JAKMIP3: variants seen among roughly 807,000 people sequenced by gnomAD.
JAKMIP3 encodes janus kinase and microtubule-interacting protein 3.
A neutral mutation model predicts 118.5 loss-of-function variants in JAKMIP3; 58 were observed. The ratio of observed to expected loss-of-function variants is 0.49; its 90% CI spans 0.40 to 0.61. The LOEUF is 0.61. JAKMIP3 is among the 20% of genes least tolerant of loss of function. The pLI is 0.00. For synonymous variants in JAKMIP3, 486 were observed against 451.2 expected (o/e 1.08, Z -0.98); for missense variants, 950 against 1,109.0 (o/e 0.86, Z 2.04).
At chr10:132,090,662 C>T (rs1408578180) in intron 1 of JAKMIP3, among the ~76,000 whole-genome samples, 1 of 152,196 alleles carries the variant, frequency 6.6e-6, no homozygotes, top group African/African-American at 2.4e-5. Flanking sequence ...AAACCAGCTC[C>T]TGGATTCATT....
At chr10:132,046,789 C>G (rs2133788892) in intron 1 of JAKMIP3, among the ~76,000 whole-genome samples, 1 of 152,310 alleles carries the variant, frequency 6.6e-6, no homozygotes, top group East Asian at 1.9e-4. Context: ...CAAAATTAAC[C>G]CAAGTAGAGA....
At chr10:132,149,308 C>G in intron 14 of JAKMIP3, 104 bp from the exon 15 acceptor site, 1 of 728,538 alleles carries the variant, frequency 1.4e-6, no homozygotes, top group East Asian at 2.9e-5. Flanking sequence ...TGTGTTGATC[C>G]CTGGTTCCAT....
intron 1 of JAKMIP3, among the ~76,000 whole-genome samples, chr10:132,050,268 G>T (rs1342948907): frequency 1.3e-5 from 2 of 152,230 alleles, no homozygotes; most frequent in African/African-American, 4.8e-5. Context: ...CCCGTTAACA[G>T]GGTCTGGCTG....
chr10:132,077,245 G>A (rs757926660), intron 1 of JAKMIP3, among the ~76,000 whole-genome samples: 8 of 152,320 alleles, frequency 5.3e-5, no homozygotes, highest in Non-Finnish European at 1.2e-4. Context: ...CTGGGGAGAG[G>A]GTTTGCTGTG....
intron 1 of JAKMIP3, among the ~76,000 whole-genome samples, chr10:132,038,788 C>T (rs1483161682): frequency 8.0e-5 from 6 of 75,060 alleles, no homozygotes; most frequent in Non-Finnish European, 1.5e-4. Flanking sequence ...ATGAGACTGT[C>T]TCAAAAAAAA....
rs1564912469 is a variant in JAKMIP3, at chr10:132,112,759, G to T, written c.136-4318G>T. Among the ~76,000 whole-genome samples the T allele has an allele frequency of 6.6e-6, 1 of 152,132 alleles. No homozygotes were observed. The highest frequency in any genetic ancestry group is 1.5e-5 in the Non-Finnish European group (1 of 68,016). On this transcript the variant is annotated intron_variant, in intron 2 of 23. Coordinates refer to ENST00000684848, the MANE Select transcript of JAKMIP3 (RefSeq NM_001323087.2). The surrounding 1 kb of genome is among the most constrained non-coding windows in gnomAD (Gnocchi z 4.3). ...CACAGCCACGTGTCTCCTTGGACAG[G>T]GCAGCTCTCCACCTCCCCTTGGACA...
At chr10:132,080,549 T>TAG (rs1209368914) in intron 1 of JAKMIP3, among the ~76,000 whole-genome samples, 1 of 128,326 alleles carries the variant, frequency 7.8e-6, no homozygotes, top group Non-Finnish European at 1.6e-5. Context: ...TAAGATGGAG[T>TAG]CTCTCTCTGT....
At chr10:132,057,503 C>T (rs2038268778) in intron 1 of JAKMIP3, among the ~76,000 whole-genome samples, 1 of 152,188 alleles carries the variant, frequency 6.6e-6, no homozygotes, top group Non-Finnish European at 1.5e-5. Context: ...GCTCACAGGA[C>T]ACACGCTGCC....
intron 1 of JAKMIP3, among the ~76,000 whole-genome samples, chr10:132,071,565 A>C (rs1316166852): frequency 6.6e-6 from 1 of 152,206 alleles, no homozygotes; most frequent in African/African-American, 2.4e-5. Context: ...TAATGTCTCC[A>C]ATATGATTGT....
In JAKMIP3 at chr10:132,117,271, C is replaced by T. The variant is rs1449507121; in HGVS notation, c.330C>T (p.Asp110=). The T allele has an allele frequency of 1.2e-6, 2 of 1,613,956 alleles. No individual in the cohort carries two copies. Among genetic ancestry groups the T allele is most frequent in the Non-Finnish European group, 1.7e-6 (2 of 1,179,882 alleles). Reference sequence around the variant, plus strand: ...TGCTCAGGGTCATCAAGATCAAGGACAACGAGAACCAGCGGCTGCAGGCAC... The same window carrying T: ...TGCTCAGGGTCATCAAGATCAAGGATAACGAGAACCAGCGGCTGCAGGCAC... ...AELLRVIKIK[D]NENQRLQALL... Residue 110 remains aspartate, a synonymous_variant, in exon 3 of 24, where the codon GAC becomes GAT. Transcript: ENST00000684848. This position sits in a 1 kb window ranked among gnomAD's most constrained non-coding sequence, Gnocchi z 8.6.
rs534983764 is a variant in JAKMIP3, at chr10:132,180,765, G to A, written c.*1104-1592G>A. Among the ~76,000 whole-genome samples the A allele has an allele frequency of 2.2e-3, 75 of 33,910 alleles. 17 individuals are homozygous for A. Among genetic ancestry groups the A allele is most frequent in the African/African-American group, 8.4e-3 (70 of 8,290 alleles). 22.2% of individuals were successfully genotyped at this position (33,910 alleles called of 152,430 possible). A position where few individuals can be genotyped will look rare whatever the true frequency, so the allele number is the denominator to read the frequency against. The stretch of plus-strand genomic sequence containing the variant: ...TGCGTGCGCGCGCGTGTGTGCGTGT[G>A]TGTGCGTGTGTGTGTGTGCGCGTAT... On this transcript the variant is annotated intron_variant, in intron 23 of 23. Coordinates refer to ENST00000684848, the MANE Select transcript of JAKMIP3 (RefSeq NM_001323087.2).
At chr10:132,076,881 C>A (rs946902101) in intron 1 of JAKMIP3, among the ~76,000 whole-genome samples, 1 of 149,708 alleles carries the variant, frequency 6.7e-6, no homozygotes, top group East Asian at 2.0e-4. Flanking sequence ...GCGGTGTCCC[C>A]GGGTCTGACT....
rs1420752309 is a variant in JAKMIP3 at position 132,145,504 on chromosome 10, A to T, written c.1687-14A>T. The stretch of plus-strand genomic sequence containing the variant: ...TCCCTCAGTGTCTTTATTTCTTTCA[A>T]TTCCATTTGCAAGGATATGAAGTGG... On this transcript the variant is annotated splice_polypyrimidine_tract_variant and intron_variant, in intron 12 of 23. Transcript: ENST00000684848. 1 of 1,552,820 alleles carries T rather than the reference A, an allele frequency of 6.4e-7. No homozygotes were observed.
At position 132,137,010 on chromosome 10, in the gene JAKMIP3, G is replaced by A. The variant is rs1283512691; in HGVS notation, c.1117-9G>A. 5.0e-6 allele frequency: 8 copies of A among 1,612,384 alleles called. No homozygotes were observed. Among genetic ancestry groups the A allele is most frequent in the African/African-American group, 1.3e-5 (1 of 75,028 alleles). On this transcript the variant is annotated splice_polypyrimidine_tract_variant and intron_variant, in intron 6 of 23. Transcript: ENST00000684848. Reference sequence around the variant, plus strand: ...CCCAACTTGTGATGTGGGCTGCTTGGCGTTTCAGAGACAGAGAGCTGGAAT... The same window carrying A: ...CCCAACTTGTGATGTGGGCTGCTTGACGTTTCAGAGACAGAGAGCTGGAAT...
chr10:132,156,907 G>A (rs2057164502), intron 19 of JAKMIP3, among the ~76,000 whole-genome samples: 2 of 152,138 alleles, frequency 1.3e-5, no homozygotes, highest in South Asian at 2.1e-4. Context: ...AATAATCAAT[G>A]TATAGTTCTG....
chr10:132,037,407 A>G (rs912814409), intron 1 of JAKMIP3, among the ~76,000 whole-genome samples: 7 of 151,904 alleles, frequency 4.6e-5, no homozygotes, highest in African/African-American at 1.7e-4. Flanking sequence ...AAATGTAAGA[A>G]ATGGGGTGGT....
intron 1 of JAKMIP3, among the ~76,000 whole-genome samples, chr10:132,088,627 A>T (rs1217239330): frequency 1.3e-5 from 2 of 152,142 alleles, no homozygotes; most frequent in Non-Finnish European, 2.9e-5. Context: ...AGATGAGTAG[A>T]TTGCAAAAAT....
rs182057929 is a variant in JAKMIP3, at chr10:132,116,016, G to A, written c.136-1061G>A. On this transcript the variant is annotated intron_variant, in intron 2 of 23. Transcript: ENST00000684848. The stretch of plus-strand genomic sequence containing the variant: ...CTGGCCCACGGCAGGCAGCGGTCCC[G>A]GCACTGTGGTCTGAATATAGGACCC... 3.9e-4 allele frequency among the ~76,000 whole-genome samples: 59 copies of A among 152,362 alleles called. 1 individual carries two copies. In the East Asian group the frequency reaches 6.8e-3, roughly 17 times the overall value.
chr10:132,054,925 C>T (rs543899328), intron 1 of JAKMIP3, among the ~76,000 whole-genome samples: 9 of 151,902 alleles, frequency 5.9e-5, no homozygotes, highest in Admixed American at 2.6e-4. Flanking sequence ...ACTCCTACAC[C>T]GAGGACCCTC....
Sources: gnomAD v4.1 joint callset for allele counts (sites outside exome capture counted in the v4.1 genomes callset) on GRCh38, gnomAD v4.1.1 for gene constraint, Gnocchi (gnomAD v3.1) non-coding constraint, MANE v1.5 for transcripts, NCBI Gene and HGNC (gene_info 2026-07-23, HGNC 2026-07-21) for gene names.